The following SIGLEC11 variants were observed in gnomAD, a reference collection of about 807,000 sequenced individuals.
SIGLEC11 encodes sialic acid binding Ig like lectin 11.
Under a neutral mutation model 61.2 loss-of-function variants are expected in SIGLEC11, and 47 were observed. The observed-to-expected ratio is 0.77, with a 90% CI of 0.61 to 0.98. The LOEUF (loss-of-function observed/expected upper bound fraction) is 0.98. SIGLEC11 is among the 50% of genes least tolerant of loss of function. The pLI, the probability that SIGLEC11 is intolerant of heterozygous loss-of-function variation, is 0.00. For synonymous variants in SIGLEC11, 278 were observed against 373.1 expected (o/e 0.75, Z 2.94); for missense variants, 610 against 870.3 (o/e 0.70, Z 3.76).
chr19:49,954,304 G>A (rs1417583732), intron 8 of SIGLEC11, among the ~76,000 whole-genome samples: 1 of 152,142 alleles, frequency 6.6e-6, no homozygotes, highest in Non-Finnish European at 1.5e-5. Context: ...CCCCTTTACT[G>A]AGGCCAACAG....
At chr19:49,958,605 C>A in intron 7 of SIGLEC11, 35 bp from the exon 8 acceptor site, 1 of 1,566,142 alleles carries the variant, frequency 6.4e-7, no homozygotes, top group Non-Finnish European at 8.6e-7. Flanking sequence ...AGCAGGGGCC[C>A]CTTCCTGGGA....
In SIGLEC11 at chr19:49,959,410, G is replaced by A. The variant is rs758411373; in HGVS notation, c.1007C>T (p.Ala336Val). 18 of 1,597,422 alleles carry A rather than the reference G, an allele frequency of 1.1e-5. 2 individuals carry two copies. In the South Asian group the frequency reaches 1.5e-4, roughly 13 times the overall value. Residue 336 changes from alanine to valine, a missense_variant, in exon 5 of 11, where the codon GCG (alanine) becomes GTG (valine). Ala to Val is a moderately conservative substitution (Grantham distance 64, BLOSUM62 0). Coordinates refer to ENST00000447370, the MANE Select transcript of SIGLEC11 (RefSeq NM_052884.3). ...AGDSGRYTCR[A>V]ENRLGSQQQA... is the part of the protein sequence containing the mutation. ...CTGCTGGGAGCCAAGCCTGTTCTCC[G>A]CTCGGCAGGTGTAGCGCCCTGAATC...
Position 49,955,789 on chromosome 19 carries a change from G to C in SIGLEC11, c.1651+2494C>G, listed in dbSNP as rs1434442714. On this transcript the variant is annotated intron_variant, in intron 8 of 10. Transcript: ENST00000447370. The surrounding 1 kb of genome is among the most constrained non-coding windows in gnomAD (Gnocchi z 4.5). ...CTCTAGTAAAAATACAAAAAAATTA[G>C]CCGGGCTTGGTGGCGGGCGCCTGTA... Among the ~76,000 whole-genome samples, 1 of 152,092 alleles carries C rather than the reference G, an allele frequency of 6.6e-6. No individual in the cohort carries two copies. The highest frequency in any genetic ancestry group is 6.6e-5 in the Admixed American group (1 of 15,258).
rs993793783 is a variant in SIGLEC11 at position 49,955,920 on chromosome 19, G to T, written c.1651+2363C>A. ...ACTGCACTCCAGCCAGGGCAACAGA[G>T]CGAGACTCCGTCTCAAAAAAAAAAA... On this transcript the variant is annotated intron_variant, in intron 8 of 10. Coordinates refer to ENST00000447370, the MANE Select transcript of SIGLEC11 (RefSeq NM_052884.3). The surrounding 1 kb of genome is among the most constrained non-coding windows in gnomAD (Gnocchi z 4.5). Among the ~76,000 whole-genome samples, 8 of 147,602 alleles carry T rather than the reference G, an allele frequency of 5.4e-5. No individual in the cohort carries two copies. The highest frequency in any genetic ancestry group is 2.0e-4 in the African/African-American group (8 of 39,078).
chr19:49,956,294 A>G (rs2076195649), intron 8 of SIGLEC11, among the ~76,000 whole-genome samples: 1 of 152,252 alleles, frequency 6.6e-6, no homozygotes, highest in Non-Finnish European at 1.5e-5. Flanking sequence ...TGCTTAGGAC[A>G]GCAATATGAC....
chr19:49,951,275 G>A lies in SIGLEC11; in HGVS notation c.1830+616C>T, dbSNP rs2076156462. Among the ~76,000 whole-genome samples, 2 of 152,166 alleles carry A rather than the reference G, an allele frequency of 1.3e-5. No individual in the cohort carries two copies. Among genetic ancestry groups the A allele is most frequent in the African/African-American group, 4.8e-5 (2 of 41,438 alleles). On this transcript the variant is annotated intron_variant, in intron 10 of 10. Transcript: ENST00000447370. The surrounding 1 kb of genome is among the most constrained non-coding windows in gnomAD (Gnocchi z 4.6). ...TCACACTTCCTTGCTGGGAGAATTG[G>A]GTGCTGTCCCCATGGCTCCCCTGGG...
intron 8 of SIGLEC11, among the ~76,000 whole-genome samples, chr19:49,956,910 CT>C (rs2076200520): frequency 6.6e-6 from 1 of 152,108 alleles, no homozygotes; most frequent in Admixed American, 6.5e-5. Flanking sequence ...AAAGTTCAAT[CT>C]AACTAACTGC....
At chr19:49,950,324 G>GT in intron 10 of SIGLEC11, 88 bp from the exon 11 acceptor site, 1 of 1,303,992 alleles carries the variant, frequency 7.7e-7, no homozygotes, top group Non-Finnish European at 1.0e-6. Flanking sequence ...TGGAAATTGA[G>GT]TATTTCCTGT....
chr19:49,960,823 C>T lies in SIGLEC11; in HGVS notation c.189G>A (p.Trp63Ter), dbSNP rs374550446. ...AGCCATAAGCAGCAGTAGACTCGTCCCAGCCATCCCGGGGGTAGGAGAGGT... is the reference window on the plus strand; with the variant it reads ...AGCCATAAGCAGCAGTAGACTCGTCTCAGCCATCCCGGGGGTAGGAGAGGT... ...SCNLSYPRDG[W>*]DESTAAYGYW... The change falls in exon 2 of 11, where the codon TGG becomes TGA. Residue 63 changes from tryptophan (W) to a stop codon, truncating the protein, a stop_gained. Coordinates refer to ENST00000447370, the MANE Select transcript of SIGLEC11 (RefSeq NM_052884.3). LOFTEE classifies it high-confidence loss of function. 1.2e-5 allele frequency: 20 copies of T among 1,613,226 alleles called. No individual in the cohort carries two copies. In the Middle Eastern group the frequency reaches 5.0e-4, roughly 40 times the overall value.
Position 49,950,093 on chromosome 19 carries a change from C to T in SIGLEC11, c.1974G>A (p.Ala658=), listed in dbSNP as rs367661039. The T allele has an allele frequency of 1.1e-5, 17 of 1,610,842 alleles. No homozygotes were observed. The highest frequency in any genetic ancestry group is 2.2e-5 in the South Asian group (2 of 90,756). The change falls in exon 11 of 11, where the codon GCG becomes GCA. Residue 658 remains alanine, a synonymous_variant. Coordinates refer to ENST00000447370, the MANE Select transcript of SIGLEC11 (RefSeq NM_052884.3). ...SFQGLRLWEP[A]DQEAPSTTEY... ...CGGTGGTGCTGGGGGCCTCCTGGTC[C>T]GCAGGCTCCCAGAGCCTCAGGCCCT...
chr19:49,952,349 C>T lies in SIGLEC11; in HGVS notation c.1697G>A (p.Gly566Glu). 1.2e-6 allele frequency: 2 copies of T among 1,610,272 alleles called. No individual in the cohort carries two copies. Among genetic ancestry groups the T allele is most frequent in the Non-Finnish European group, 8.5e-7 (1 of 1,179,970 alleles). The change falls in exon 9 of 11, where the codon GGA becomes GAA. Residue 566 changes from glycine (G) to glutamate (E), a missense_variant. Physicochemically the swap from Gly to Glu is moderately conservative, Grantham distance 98 (BLOSUM62 -2). Coordinates refer to ENST00000447370, the MANE Select transcript of SIGLEC11 (RefSeq NM_052884.3). ...AGCGAGCAGGGCAGCGACGCCAGCT[C>T]CCAGGGCAGCCCCCAGGCCAAGTCC... ...GGGLGLGAAL[G>E]AGVAALLAFC...
chr19:49,952,438 G>T, intron 8 of SIGLEC11, 44 bp from the exon 9 acceptor site: 1 of 1,479,986 alleles, frequency 6.8e-7, no homozygotes, highest in South Asian at 1.2e-5. Context: ...CTGGCCCTGA[G>T]ACCCTCCTGC....
At chr19:49,953,399 G>A (rs1329295869) in intron 8 of SIGLEC11, among the ~76,000 whole-genome samples, 5 of 152,040 alleles carry the variant, frequency 3.3e-5, no homozygotes, top group Admixed American at 3.3e-4. Context: ...GTGGCTCGTC[G>A]ATTTGGATGA....
At chr19:49,952,034 C>T in intron 9 of SIGLEC11, 62 bp from the exon 10 acceptor site, 1 of 1,494,856 alleles carries the variant, frequency 6.7e-7, no homozygotes, top group Non-Finnish European at 9.0e-7. Context: ...GAAACTGCTA[C>T]CCACATGGCT....
chr19:49,952,620 G>A (rs1381511745), intron 8 of SIGLEC11, among the ~76,000 whole-genome samples: 1 of 152,188 alleles, frequency 6.6e-6, no homozygotes, highest in African/African-American at 2.4e-5. Flanking sequence ...ACAGTTATAA[G>A]ATAATACTGT....
intron 10 of SIGLEC11, among the ~76,000 whole-genome samples, chr19:49,950,843 T>A (rs1274172013): frequency 2.6e-5 from 4 of 152,204 alleles, no homozygotes; most frequent in Non-Finnish European, 5.9e-5. Context: ...TGCTCGGACC[T>A]GGACTGACCT....
In SIGLEC11 at chr19:49,960,877, C is replaced by G. The variant is rs572754129; in HGVS notation, c.135G>C (p.Pro45=). 1.9e-4 allele frequency: 300 copies of G among 1,553,926 alleles called. 2 individuals carry two copies. In the African/African-American group the frequency reaches 3.8e-3, roughly 20 times the overall value. The change falls in exon 2 of 11, where the codon CCG becomes CCC. Residue 45 remains proline (P), a synonymous_variant. Transcript: ENST00000447370. The part of the protein sequence containing the change: ...SLQVQRQVPV[P]EGLCVIVSCN... ...AAGACACGATGACACACAGGCCCTC[C>G]GGCACCGGCACCTGCCTCTGCACTT... is the stretch of plus-strand genomic sequence containing the variant.
At chr19:49,957,868 G>A (rs778892511) in intron 8 of SIGLEC11, among the ~76,000 whole-genome samples, 1 of 152,278 alleles carries the variant, frequency 6.6e-6, no homozygotes, top group Non-Finnish European at 1.5e-5. Context: ...GCGCATGCCT[G>A]TAATCCCAGC....
rs1178738910 is a variant in SIGLEC11 at position 49,949,968 on chromosome 19, C to T, written c.*2G>A. Reference sequence around the variant, plus strand: ...TGGTGTCCTGTTGCCATGGAGACCTCTTCACTTTGGAACCATCCCTGACAT... The same window carrying T: ...TGGTGTCCTGTTGCCATGGAGACCTTTTCACTTTGGAACCATCCCTGACAT... On this transcript the variant is annotated 3_prime_UTR_variant, in exon 11 of 11. Transcript: ENST00000447370. 2 of 1,450,636 alleles carry T rather than the reference C, an allele frequency of 1.4e-6. No homozygotes were observed. Among genetic ancestry groups the T allele is most frequent in the African/African-American group, 1.4e-5 (1 of 70,110 alleles). 89.9% of individuals were successfully genotyped at this position (1,450,636 alleles called of 1,614,324 possible). A position where few individuals can be genotyped will look rare whatever the true frequency, so the allele number is the denominator to read the frequency against.
Sources: gnomAD v4.1 joint callset for allele counts (sites outside exome capture counted in the v4.1 genomes callset) on GRCh38, gnomAD v4.1.1 for gene constraint, Gnocchi (gnomAD v3.1) non-coding constraint, MANE v1.5 for transcripts, NCBI Gene and HGNC (gene_info 2026-07-23, HGNC 2026-07-21) for gene names.